PCM1: variants seen among roughly 807,000 people sequenced by gnomAD.
PCM1 encodes the protein pericentriolar material 1.
A neutral mutation model predicts 241.9 loss-of-function variants in PCM1; 157 were observed. The ratio of observed to expected loss-of-function variants is 0.65; its 90% CI spans 0.57 to 0.74. PCM1 has a LOEUF of 0.74. Ranked by LOEUF, PCM1 falls within the 30% of genes least tolerant of loss-of-function variation. PCM1 has a pLI of 0.00. For synonymous variants in PCM1, 1,085 were observed against 784.9 expected, an observed-to-expected ratio of 1.38 and a Z score of -6.39; for missense variants, 3,478 against 2,360.1, an observed-to-expected ratio of 1.47 and a Z score of -9.81.
At chr8:17,986,957 A>G (rs1170130586) in intron 26 of PCM1, among the ~76,000 whole-genome samples, 1 of 151,720 alleles carries the variant, frequency 6.6e-6, no homozygotes, top group East Asian at 1.9e-4. Flanking sequence ...TTCTCAAAGG[A>G]TTGTCTTTCC....
chr8:18,004,629 T>C (rs1279874960), intron 29 of PCM1, among the ~76,000 whole-genome samples: 2 of 152,192 alleles, frequency 1.3e-5, no homozygotes, highest in East Asian at 3.9e-4. Flanking sequence ...CTTCAGATCT[T>C]GACTTTTTTT....
chr8:17,923,552 G>A (rs2055454355), intron 1 of PCM1, among the ~76,000 whole-genome samples: 2 of 152,174 alleles, frequency 1.3e-5, no homozygotes, highest in Non-Finnish European at 2.9e-5. Context: ...TGGTTTGGGT[G>A]CTAGGGGCAC....
intron 15 of PCM1, among the ~76,000 whole-genome samples, chr8:17,961,199 A>G (rs545913804): frequency 6.6e-6 from 1 of 151,308 alleles, no homozygotes; most frequent in Non-Finnish European, 1.5e-5. Flanking sequence ...GGGTCTTGAG[A>G]TTGAACAGAA....
At chr8:17,946,597 A>G (rs2063850772) in intron 6 of PCM1, among the ~76,000 whole-genome samples, 1 of 151,954 alleles carries the variant, frequency 6.6e-6, no homozygotes, top group Admixed American at 6.6e-5. Flanking sequence ...CCTGAGTTCA[A>G]GCGATTCTCT....
chr8:17,991,502 A>T (rs1323589162), intron 27 of PCM1, 40 bp from the exon 28 acceptor site: 1 of 1,512,020 alleles, frequency 6.6e-7, no homozygotes, highest in South Asian at 1.3e-5. Context: ...GAAAAAGTTC[A>T]CTTTTACATA....
Position 17,955,591 on chromosome 8 carries a change from T to A in PCM1, c.1410T>A (p.Ala470=), listed in dbSNP as rs1406263067. ...SLTSSVPYPT[A]SLVSQNESEN... ...CATCATCTGTTCCTTATCCTACTGC[T>A]TCTCTAGTATCTCAGAATGAGAGTG... The change falls in exon 10 of 39, where the codon GCT becomes GCA. Residue 470 remains alanine, a synonymous_variant. Transcript: ENST00000325083. The A allele has an allele frequency of 6.2e-7, 1 of 1,613,802 alleles. No individual in the cohort carries two copies. Among genetic ancestry groups the A allele is most frequent in the Non-Finnish European group, 8.5e-7 (1 of 1,179,726 alleles).
chr8:17,969,568 A>C lies in PCM1; in HGVS notation c.3413-9A>C. 5.8e-6 allele frequency: 9 copies of C among 1,562,792 alleles called. No homozygotes were observed. The highest frequency in any genetic ancestry group is 6.9e-6 in the Non-Finnish European group (8 of 1,152,926). On this transcript the variant is annotated splice_polypyrimidine_tract_variant and intron_variant, in intron 21 of 38. Coordinates refer to ENST00000325083, the MANE Select transcript of PCM1 (RefSeq NM_006197.4). Reference sequence around the variant, plus strand: ...TATTTTTCTCTTACCCATTGCTTTTACTGATTAGGTATGAATTTCAGCCCT... The same window carrying C: ...TATTTTTCTCTTACCCATTGCTTTTCCTGATTAGGTATGAATTTCAGCCCT...
At chr8:17,962,009 A>T in intron 15 of PCM1, 25 bp from the exon 16 acceptor site, 2 of 1,591,682 alleles carry the variant, frequency 1.3e-6, no homozygotes, top group Non-Finnish European at 1.7e-6. Context: ...ATTCCTCATA[A>T]CGTTTTTTGT....
chr8:17,958,409 CAATT>C (rs1385946568), intron 13 of PCM1, among the ~76,000 whole-genome samples: 8 of 151,900 alleles, frequency 5.3e-5, no homozygotes, highest in Non-Finnish European at 1.5e-5. Flanking sequence ...TATAGTTACA[CAATT>C]AACTATAATG....
chr8:17,981,473 T>C (rs1442361254), intron 24 of PCM1, among the ~76,000 whole-genome samples: 1 of 152,190 alleles, frequency 6.6e-6, no homozygotes, highest in Admixed American at 6.5e-5. Flanking sequence ...TTTGAGTCCC[T>C]TGGCAGCAGA....
intron 29 of PCM1, among the ~76,000 whole-genome samples, chr8:18,003,533 A>T (rs902616408): frequency 3.9e-5 from 6 of 152,178 alleles, no homozygotes; most frequent in Non-Finnish European, 8.8e-5. Flanking sequence ...TACAGGCAGA[A>T]TTCCTTCCTC....
intron 26 of PCM1, among the ~76,000 whole-genome samples, chr8:17,989,601 C>A (rs1019719349): frequency 6.6e-6 from 1 of 151,914 alleles, no homozygotes; most frequent in African/African-American, 2.4e-5. Flanking sequence ...AGAATTTAAT[C>A]AGTAGCTGTC....
intron 26 of PCM1, among the ~76,000 whole-genome samples, chr8:17,988,419 T>C (rs1233824300): frequency 6.6e-6 from 1 of 151,770 alleles, no homozygotes; most frequent in Non-Finnish European, 1.5e-5. Context: ...TGAAATGACC[T>C]AAAGTCGTGT....
chr8:17,968,980 ATTC>A (rs1209170930), intron 21 of PCM1, among the ~76,000 whole-genome samples: 3 of 152,042 alleles, frequency 2.0e-5, no homozygotes, highest in Non-Finnish European at 2.9e-5. Flanking sequence ...AAGGCTCTTC[ATTC>A]TTCTTAACAG....
At position 17,957,365 on chromosome 8, in the gene PCM1, A is replaced by T; in HGVS notation, c.1748A>T (p.Glu583Val). The change falls in exon 12 of 39, where the codon GAA (glutamate) becomes GTA (valine). Residue 583 changes from glutamate (E) to valine (V), a missense_variant. Glu to Val is a moderately radical substitution (Grantham distance 121). Transcript: ENST00000325083. The part of the protein sequence containing the change: ...RDGRTVNSNC[E>V]INNRSAANIR... ...GGGCGAACAGTTAATTCTAATTGTG[A>T]AATTAACAACAGATCTGCTGCCAAC... 1 of 1,611,676 alleles carries T rather than the reference A, an allele frequency of 6.2e-7. No individual in the cohort carries two copies. The highest frequency in any genetic ancestry group is 2.2e-5 in the East Asian group (1 of 44,858).
At chr8:17,957,481 G>C in intron 12 of PCM1, 59 bp from the exon 13 acceptor site, 1 of 1,604,928 alleles carries the variant, frequency 6.2e-7, no homozygotes. Flanking sequence ...GTGGGTTTTC[G>C]TTCATGTGTG....
At chr8:17,925,077 CCTATAA>C (rs1434654360) in intron 2 of PCM1, 1 of 152,202 alleles carries the variant, frequency 6.6e-6, no homozygotes, top group African/African-American at 2.4e-5. Context: ...TTGAATTTGT[CCTATAA>C]CTGGATAGCC....
chr8:17,937,183 A>C lies in PCM1; in HGVS notation c.146A>C (p.Lys49Thr), dbSNP rs1379086935. 47 of 1,590,238 alleles carry C rather than the reference A, an allele frequency of 3.0e-5. No homozygotes were observed. The highest frequency in any genetic ancestry group is 3.9e-5 in the Non-Finnish European group (46 of 1,166,720). ...GCAAATAGATCATCAGAAAAGAATAAGAAAAAGTTTGGTGTAGAAAGTGAT... is the reference window on the plus strand; with the variant it reads ...GCAAATAGATCATCAGAAAAGAATACGAAAAAGTTTGGTGTAGAAAGTGAT... Reference protein sequence around the residue: ...KKANRSSEKNKKKFGVESDKR... With the variant: ...KKANRSSEKNTKKFGVESDKR... The change falls in exon 4 of 39, where the codon AAG becomes ACG. Residue 49 changes from lysine (K) to threonine (T), a missense_variant. Physicochemically the swap from Lys to Thr is moderately conservative, Grantham distance 78. Coordinates refer to ENST00000325083, the MANE Select transcript of PCM1 (RefSeq NM_006197.4).
chr8:17,952,956 T>TG lies in PCM1; in HGVS notation c.1072-14_1072-13insG, dbSNP rs1370444620. 3 of 1,495,652 alleles carry TG rather than the reference T, an allele frequency of 2.0e-6. No homozygotes were observed. The allele number at this position is 1,495,652 out of a possible 1,614,324, so 92.6% of individuals were successfully genotyped here. The stretch of plus-strand genomic sequence containing the variant: ...AGTCTTAATTCTTCTTTTTTGTTGT[T>TG]TTTTTTTAATAAGCCTCCAGCTGTT... On this transcript the variant is annotated splice_polypyrimidine_tract_variant and intron_variant, in intron 8 of 38. Coordinates refer to ENST00000325083, the MANE Select transcript of PCM1 (RefSeq NM_006197.4).
Sources: allele counts gnomAD v4.1 joint callset (sites outside exome capture counted in the v4.1 genomes callset), GRCh38; gene constraint gnomAD v4.1.1; transcripts MANE v1.5; gene names NCBI Gene and HGNC (gene_info 2026-07-23, HGNC 2026-07-21).